The following FMN1 variants were observed in gnomAD, a reference collection of about 807,000 sequenced individuals.
The protein encoded by FMN1 is formin 1, also known as formin-1.
Under a neutral mutation model 132.4 loss-of-function variants are expected in FMN1, and 110 were observed. The ratio of observed to expected loss-of-function variants is 0.83; its 90% CI spans 0.71 to 0.97. The LOEUF (loss-of-function observed/expected upper bound fraction) is 0.97, where lower values mean the gene tolerates loss of function less well. Ranked by LOEUF, FMN1 falls within the 50% of genes least tolerant of loss-of-function variation. The pLI is 0.00. For synonymous variants in FMN1, 722 were observed against 651.7 expected, an observed-to-expected ratio of 1.11 and a Z score of -1.64; for missense variants, 1,792 against 1,705.3, an observed-to-expected ratio of 1.05 and a Z score of -0.90.
chr15:32,823,170 T>TG lies in FMN1; in HGVS notation c.3929-18839_3929-18838insC, dbSNP rs1351549109. Among the ~76,000 whole-genome samples, 56 of 121,254 alleles carry TG rather than the reference T, an allele frequency of 4.6e-4. 2 individuals are homozygous for TG. The highest frequency in any genetic ancestry group is 3.6e-3 in the East Asian group (13 of 3,630). The allele number at this position is 121,254 out of a possible 152,430, so 79.5% of individuals were successfully genotyped here. Reference sequence around the variant, plus strand: ...TTCTACTGTTTTTTTTTTTTTTTTTTTTTTTTTTTGAGACAGAGTCTTGCT... The same window carrying TG: ...TTCTACTGTTTTTTTTTTTTTTTTTTGTTTTTTTTTGAGACAGAGTCTTGCT... On this transcript the variant is annotated intron_variant, in intron 17 of 20. Transcript: ENST00000616417.
chr15:32,813,845 A>T (rs1022123819), intron 17 of FMN1, among the ~76,000 whole-genome samples: 1 of 152,226 alleles, frequency 6.6e-6, no homozygotes, highest in Non-Finnish European at 1.5e-5. Context: ...TAATAATTTA[A>T]TAATTTTGGC....
At chr15:33,112,646 T>C (rs1033018645) in intron 4 of FMN1, among the ~76,000 whole-genome samples, 2 of 152,064 alleles carry the variant, frequency 1.3e-5, no homozygotes, top group African/African-American at 4.8e-5. Context: ...ATCAACTGAC[T>C]GGCCTATATT....
intron 9 of FMN1, among the ~76,000 whole-genome samples, chr15:32,947,071 T>C (rs1421925553): frequency 1.3e-5 from 2 of 152,190 alleles, no homozygotes; most frequent in Admixed American, 6.5e-5. Flanking sequence ...TGTAGTCACA[T>C]TTCATTATTT....
chr15:32,857,768 G>A (rs533346057), intron 16 of FMN1, among the ~76,000 whole-genome samples: 36 of 152,274 alleles, frequency 2.4e-4, no homozygotes, highest in African/African-American at 8.4e-4. Context: ...TCAGGTCTGA[G>A]GTGACTTGAC....
chr15:33,122,886 G>A (rs545342516), intron 4 of FMN1, among the ~76,000 whole-genome samples: 35 of 152,214 alleles, frequency 2.3e-4, no homozygotes, highest in African/African-American at 8.2e-4. Flanking sequence ...TCTTGATAAA[G>A]CAAACCAACA....
intron 16 of FMN1, among the ~76,000 whole-genome samples, chr15:32,860,495 A>T (rs979700623): frequency 1.2e-4 from 18 of 152,100 alleles, no homozygotes; most frequent in Non-Finnish European, 2.1e-4. Flanking sequence ...TCTACAAAAA[A>T]TACAAATACT....
chr15:32,950,048 T>C (rs1201262493), intron 9 of FMN1, among the ~76,000 whole-genome samples: 1 of 5,556 alleles, frequency 1.8e-4, no homozygotes, highest in Non-Finnish European at 4.7e-4. Context: ...TATATATATA[T>C]ATACACATAT....
intron 6 of FMN1, among the ~76,000 whole-genome samples, chr15:33,060,997 G>A (rs34747062): frequency 0.017 from 2,635 of 152,256 alleles, 37 homozygotes; most frequent in Non-Finnish European, 0.024. Context: ...GGAGATGGAG[G>A]CGAAACGAAG....
chr15:33,154,019 T>A lies in FMN1; in HGVS notation c.896A>T (p.His299Leu), dbSNP rs750931077. The change falls in exon 4 of 21, where the codon CAC becomes CTC. Residue 299 changes from histidine to leucine, a missense_variant. By Grantham distance (99) the His-to-Leu change is moderately conservative (BLOSUM62 -3). Around this residue, in one of 3 missense-constraint regions of FMN1, gnomAD observed 638 missense variants for 645.2 expected, o/e 0.99. Coordinates refer to ENST00000616417, the MANE Select transcript of FMN1 (RefSeq NM_001277313.2). ...CTCTGGATGCTTCTCAGGGTCCTGG[T>A]GACTTTCAGACAAACCTGTTTGCTG... ...EHQQTGLSESHQDPEKHPEAE... is the reference protein window; with the variant it reads ...EHQQTGLSESLQDPEKHPEAE... The A allele has an allele frequency of 1.1e-5, 17 of 1,536,424 alleles. No individual in the cohort carries two copies. The highest frequency in any genetic ancestry group is 1.4e-5 in the Non-Finnish European group (16 of 1,147,018).
rs1453651402 is a variant in FMN1 at position 32,770,464 on chromosome 15, A to AT, written c.*3845dup. 6.6e-6 allele frequency: 1 copy of AT among 152,242 alleles called. No individual in the cohort carries two copies. The highest frequency in any genetic ancestry group is 1.5e-5 in the Non-Finnish European group (1 of 68,040). 9.4% of individuals were successfully genotyped at this position (152,242 alleles called of 1,614,324 possible). On this transcript the variant is annotated 3_prime_UTR_variant, in exon 21 of 21. Coordinates refer to ENST00000616417, the MANE Select transcript of FMN1 (RefSeq NM_001277313.2). The stretch of plus-strand genomic sequence containing the variant: ...AAGCAAATCTTTGCCCAAAATAAAC[A>AT]TATTTCTTCTGCTACATCTCACTGC...
intron 9 of FMN1, among the ~76,000 whole-genome samples, chr15:32,937,515 A>C (rs1408482827): frequency 6.6e-6 from 1 of 152,200 alleles, no homozygotes; most frequent in African/African-American, 2.4e-5. Context: ...ATGGGGCAAC[A>C]AGGATCCGGT....
intron 19 of FMN1, among the ~76,000 whole-genome samples, chr15:32,779,883 G>T (rs934650588): frequency 6.6e-6 from 1 of 152,144 alleles, no homozygotes; most frequent in Non-Finnish European, 1.5e-5. Flanking sequence ...GAATGAACTA[G>T]ATCTACAAAT....
chr15:33,057,823 T>G lies in FMN1; in HGVS notation c.2161+7134A>C, dbSNP rs372927051. Among the ~76,000 whole-genome samples the G allele has an allele frequency of 1.1e-4, 17 of 152,314 alleles. No individual in the cohort carries two copies. In the South Asian group the frequency reaches 1.4e-3, roughly 13 times the overall value. ...GGTTTAGTTATTTCTCAGAAATAAT[T>G]TGTTCTACAAAAGAAGAAAAAATTG... is the stretch of plus-strand genomic sequence containing the variant. On this transcript the variant is annotated intron_variant, in intron 6 of 20. Coordinates refer to ENST00000616417, the MANE Select transcript of FMN1 (RefSeq NM_001277313.2).
At chr15:33,072,390 T>G (rs1304918202) in intron 5 of FMN1, among the ~76,000 whole-genome samples, 1 of 152,146 alleles carries the variant, frequency 6.6e-6, no homozygotes, top group Non-Finnish European at 1.5e-5. Flanking sequence ...TGATCAATCT[T>G]CCAAGTAGAT....
At chr15:32,869,303 C>T (rs1352645116) in intron 16 of FMN1, among the ~76,000 whole-genome samples, 2 of 152,004 alleles carry the variant, frequency 1.3e-5, no homozygotes, top group African/African-American at 2.4e-5. Context: ...CTCAGGTGAA[C>T]GGTGAAAAGG....
chr15:33,132,038 G>A (rs899874999), intron 4 of FMN1, among the ~76,000 whole-genome samples: 3 of 152,144 alleles, frequency 2.0e-5, no homozygotes, highest in Admixed American at 6.5e-5. Flanking sequence ...TCCACCTGGG[G>A]CAATCATTCA....
rs891396998 is a variant in FMN1, at chr15:33,194,012, G to A, written c.-300C>T. On this transcript the variant is annotated 5_prime_UTR_variant, in exon 2 of 21. Transcript: ENST00000616417. ...TGGAGGTGGTGGTAGTGGCAATGGTGATGATGATGATGATGAAAGAAGAAG... is the reference window on the plus strand; with the variant it reads ...TGGAGGTGGTGGTAGTGGCAATGGTAATGATGATGATGATGAAAGAAGAAG... 2.0e-5 allele frequency: 3 copies of A among 151,678 alleles called. No homozygotes were observed. The highest frequency in any genetic ancestry group is 4.4e-5 in the Non-Finnish European group (3 of 67,964). 9.4% of individuals were successfully genotyped at this position (151,678 alleles called of 1,614,324 possible).
chr15:32,940,391 TTGTG>T (rs67121672), intron 9 of FMN1, among the ~76,000 whole-genome samples: 21,048 of 145,200 alleles, frequency 0.14, 1,573 homozygotes, highest in East Asian at 0.27. Context: ...AAAATAAAAA[TTGTG>T]TGTGTGTGTG....
At chr15:33,173,649 C>T (rs989635358) in intron 3 of FMN1, among the ~76,000 whole-genome samples, 1 of 152,236 alleles carries the variant, frequency 6.6e-6, no homozygotes, top group African/African-American at 2.4e-5. Context: ...AGGAAATAGG[C>T]CGGGCACGGT....
Sources: allele counts gnomAD v4.1 joint callset (sites outside exome capture counted in the v4.1 genomes callset), GRCh38; gene constraint gnomAD v4.1.1; regional missense constraint gnomAD v4.1.1; transcripts MANE v1.5; gene names NCBI Gene and HGNC (gene_info 2026-07-23, HGNC 2026-07-21).